Variants in USP49 observed in about 807,000 individuals in gnomAD.
The protein encoded by USP49 is ubiquitin specific peptidase 49.
In USP49, 24 loss-of-function variants were observed where a neutral mutation model predicts 58.6. The ratio of observed to expected loss-of-function variants is 0.41; its 90% CI spans 0.30 to 0.58. The LOEUF (loss-of-function observed/expected upper bound fraction) is 0.58. USP49 is among the 20% of genes least tolerant of loss of function. USP49 has a pLI of 0.30. For missense variants in USP49, 703 were observed against 866.1 expected, an observed-to-expected ratio of 0.81 and a Z score of 2.36; for synonymous variants, 408 against 365.1, an observed-to-expected ratio of 1.12 and a Z score of -1.34.
intron 3 of USP49, among the ~76,000 whole-genome samples, chr6:41,815,031 T>C (rs1236981967): frequency 6.6e-6 from 1 of 152,210 alleles, no homozygotes; most frequent in Non-Finnish European, 1.5e-5. Flanking sequence ...GAATTTCATT[T>C]TCTGCCAGCA....
In USP49 at chr6:41,809,310, G is replaced by A. The variant is rs533692882; in HGVS notation, c.-28-2299C>T. ...GGCCGAGGCAGGTGGATCACCTAAG[G>A]TCAGGAGCTCGAGACCAGACTGACC... On this transcript the variant is annotated intron_variant, in intron 3 of 7. Transcript: ENST00000682992. 3.3e-5 allele frequency among the ~76,000 whole-genome samples: 5 copies of A among 151,638 alleles called. No individual in the cohort carries two copies. The East Asian group carries it at 7.9e-4, about 24-fold the overall frequency.
intron 2 of USP49, among the ~76,000 whole-genome samples, chr6:41,878,580 T>G (rs1337239904): frequency 6.6e-6 from 1 of 152,212 alleles, no homozygotes; most frequent in Non-Finnish European, 1.5e-5. Context: ...TTAAATCTAA[T>G]CCTGCTTCTT....
In USP49 at chr6:41,798,859, G is replaced by T. The variant is rs747479073; in HGVS notation, c.1741C>A (p.Pro581Thr). Reference sequence around the variant, plus strand: ...GAGAGCATGTCCCTGCAGCAGTAAGGTTCCATGGTTAATACCTGGTCAAAG... The same window carrying T: ...GAGAGCATGTCCCTGCAGCAGTAAGTTTCCATGGTTAATACCTGGTCAAAG... ...VVFDQVLTME[P>T]YCCRDMLSSL... is the part of the protein sequence containing the mutation. Residue 581 changes from proline to threonine, a missense_variant, in exon 7 of 8, where the codon CCT becomes ACT. Transcript: ENST00000682992. 7 of 1,613,846 alleles carry T rather than the reference G, an allele frequency of 4.3e-6. No homozygotes were observed. The highest frequency in any genetic ancestry group is 5.9e-6 in the Non-Finnish European group (7 of 1,179,974).
intron 3 of USP49, among the ~76,000 whole-genome samples, chr6:41,858,349 CATGTT>C (rs1774165907): frequency 6.6e-6 from 1 of 152,192 alleles, no homozygotes; most frequent in Admixed American, 6.5e-5. Flanking sequence ...TCACAGCGTT[CATGTT>C]ATGAGAGCAC....
intron 3 of USP49, among the ~76,000 whole-genome samples, chr6:41,854,022 A>AAAAAAAAAC (rs1561918781): frequency 6.7e-6 from 1 of 149,230 alleles, no homozygotes; most frequent in Non-Finnish European, 1.5e-5. Flanking sequence ...AAAAAAAAAA[A>AAAAAAAAAC]AGAAGCAGGG....
At chr6:41,807,049 G>T (rs878981508) in intron 3 of USP49, 38 bp from the exon 4 acceptor site, 15 of 1,164,054 alleles carry the variant, frequency 1.3e-5, no homozygotes, top group East Asian at 6.1e-5. Context: ...AAAAGAAAAA[G>T]AAAACACTTT....
Position 41,802,456 on chromosome 6 carries a change from A to ATTTTTTT in USP49, c.1561+1349_1561+1350insAAAAAAA, listed in dbSNP as rs1186521851. Among the ~76,000 whole-genome samples the ATTTTTTT allele has an allele frequency of 3.7e-4, 26 of 70,278 alleles. 3 individuals carry two copies. Among genetic ancestry groups the ATTTTTTT allele is most frequent in the Middle Eastern group, 6.3e-3 (1 of 158 alleles). The allele number at this position is 70,278 out of a possible 152,430, so 46.1% of individuals were successfully genotyped here. On this transcript the variant is annotated intron_variant, in intron 5 of 7. Transcript: ENST00000682992. ...TATTTATTTATTTATTTATTTATTT[A>ATTTTTTT]TTTATTTATTTATTTTTTATTTATT...
chr6:41,894,661 AC>A (rs1582044463), intron 1 of USP49, among the ~76,000 whole-genome samples: 1 of 149,398 alleles, frequency 6.7e-6, no homozygotes, highest in East Asian at 2.0e-4. Context: ...TCCAACACTT[AC>A]CCCGGTACCC....
rs1241826186 is a variant in USP49, at chr6:41,803,668, A to AAAAAGATCTTT, written c.1561+127_1561+137dup. The AAAAAGATCTTT allele has an allele frequency of 5.2e-5, 52 of 993,856 alleles. No individual in the cohort carries two copies. Among genetic ancestry groups the AAAAAGATCTTT allele is most frequent in the Non-Finnish European group, 7.7e-5 (52 of 676,604 alleles). The allele number at this position is 993,856 out of a possible 1,614,324, so 61.6% of individuals were successfully genotyped here. ...TTTTTTGTTTTTAGAAAAATGGGAG[A>AAAAAGATCTTT]AAAAGATCTTTAAAAGATGCTTTAG... is the stretch of plus-strand genomic sequence containing the variant. On this transcript the variant is annotated intron_variant, in intron 5 of 7. Coordinates refer to ENST00000682992, the MANE Select transcript of USP49 (RefSeq NM_001286554.2). The surrounding 1 kb of genome is among the most constrained non-coding windows in gnomAD (Gnocchi z 4.1).
At chr6:41,853,535 T>C (rs1354991612) in intron 3 of USP49, among the ~76,000 whole-genome samples, 1 of 152,194 alleles carries the variant, frequency 6.6e-6, no homozygotes, top group African/African-American at 2.4e-5. Context: ...TTAAATTTTA[T>C]GTTTTTTTAC....
intron 3 of USP49, among the ~76,000 whole-genome samples, chr6:41,817,246 C>G (rs1249227613): frequency 6.9e-6 from 1 of 145,914 alleles, no homozygotes; most frequent in Non-Finnish European, 1.5e-5. Flanking sequence ...CTCCCGGGTT[C>G]AAACGATTCT....
chr6:41,827,304 A>G (rs1773556149), intron 3 of USP49, among the ~76,000 whole-genome samples: 1 of 152,154 alleles, frequency 6.6e-6, no homozygotes, highest in Non-Finnish European at 1.5e-5. Context: ...CTGAGTAAGA[A>G]GCTAGCTAGC....
At position 41,806,033 on chromosome 6, in the gene USP49, C is replaced by G; in HGVS notation, c.951G>C (p.Leu317Phe). 4 of 1,614,008 alleles carry G rather than the reference C, an allele frequency of 2.5e-6. No individual in the cohort carries two copies. The highest frequency in any genetic ancestry group is 3.4e-6 in the Non-Finnish European group (4 of 1,180,036). ...CGCATGCCTCGGCCCTGTCATTTCT[C>G]AAGGACAGCTCCGTGGCCGAGCTGT... The part of the protein sequence containing the change: ...PTNSSATELS[L>F]RNDRAEACER... The change falls in exon 4 of 8, where the codon TTG becomes TTC. Residue 317 changes from leucine (L) to phenylalanine (F), a missense_variant. Physicochemically the swap from Leu to Phe is conservative, Grantham distance 22 (BLOSUM62 0). This residue lies in a region of USP49 where 97 missense variants were observed against 88.0 expected (regional missense o/e 1.10). Transcript: ENST00000682992. The surrounding 1 kb of genome is among the most constrained non-coding windows in gnomAD (Gnocchi z 5.9).
intron 7 of USP49, chr6:41,797,986 G>T: frequency 4.6e-6 from 1 of 218,060 alleles, no homozygotes; most frequent in Non-Finnish European, 7.8e-6. Context: ...TCCCACCTCA[G>T]CCTCCCAAGT....
chr6:41,805,503 C>T (rs567780499), intron 4 of USP49, 125 bp downstream of exon 4: 2 of 1,070,906 alleles, frequency 1.9e-6, no homozygotes, highest in South Asian at 3.2e-5. Context: ...AATGGCCACC[C>T]TCCAAATTGC....
chr6:41,868,337 A>T (rs9471683), intron 3 of USP49, among the ~76,000 whole-genome samples: 1 of 151,578 alleles, frequency 6.6e-6, no homozygotes, highest in Non-Finnish European at 1.5e-5. Context: ...TATTTATTTA[A>T]TTTATTTTTG....
rs374289973 is a variant in USP49, at chr6:41,892,340, G to A, written c.-184-465C>T. Reference sequence around the variant, plus strand: ...ATACAGAGTACGTCCTACTACTAACGCCAGCCCAAACACATCTATAAAAAG... The same window carrying A: ...ATACAGAGTACGTCCTACTACTAACACCAGCCCAAACACATCTATAAAAAG... On this transcript the variant is annotated intron_variant, in intron 1 of 7. Transcript: ENST00000682992. Among the ~76,000 whole-genome samples the A allele has an allele frequency of 8.2e-4, 125 of 152,170 alleles. 1 individual carries two copies. The South Asian group carries it at 0.025, about 31-fold the overall frequency.
intron 3 of USP49, among the ~76,000 whole-genome samples, chr6:41,836,847 A>T (rs1463126461): frequency 1.3e-5 from 2 of 151,156 alleles, no homozygotes; most frequent in Non-Finnish European, 2.9e-5. Flanking sequence ...TTCAGAACAG[A>T]CACACACACG....
At chr6:41,846,760 T>C (rs925139254) in intron 3 of USP49, among the ~76,000 whole-genome samples, 8 of 142,194 alleles carry the variant, frequency 5.6e-5, no homozygotes, top group South Asian at 2.2e-4. Flanking sequence ...ACAGAGCAAG[T>C]TGGAGGAAAC....
Sources: gnomAD v4.1 joint callset for allele counts (sites outside exome capture counted in the v4.1 genomes callset) on GRCh38, gnomAD v4.1.1 for gene constraint, gnomAD v4.1.1 regional missense constraint, Gnocchi (gnomAD v3.1) non-coding constraint, MANE v1.5 for transcripts, NCBI Gene and HGNC (gene_info 2026-07-23, HGNC 2026-07-21) for gene names.